SH3RF1: variants seen among roughly 807,000 people sequenced by gnomAD.
The protein encoded by SH3RF1 is SH3 domain containing ring finger 1.
SH3RF1 carries 32 observed loss-of-function variants against 74.0 expected under a neutral mutation model. That is an observed-to-expected ratio of 0.43 (90% confidence interval 0.33 to 0.58). SH3RF1 has a LOEUF of 0.58. Ranked by LOEUF, SH3RF1 falls within the 20% of genes least tolerant of loss-of-function variation. The pLI, the probability that SH3RF1 is intolerant of heterozygous loss-of-function variation, is 0.05. For synonymous variants in SH3RF1, 396 were observed against 439.6 expected (o/e 0.90, Z 1.24); for missense variants, 954 against 1,130.9 (o/e 0.84, Z 2.24).
chr4:169,153,462 T>C (rs1306796214), intron 4 of SH3RF1, among the ~76,000 whole-genome samples: 1 of 152,212 alleles, frequency 6.6e-6, no homozygotes, highest in Non-Finnish European at 1.5e-5. Context: ...CAAATATGAA[T>C]AGGTTTACAG....
At chr4:169,154,846 G>GT (rs1734026969) in intron 4 of SH3RF1, among the ~76,000 whole-genome samples, 1 of 152,116 alleles carries the variant, frequency 6.6e-6, no homozygotes. Context: ...ACTATGAATT[G>GT]TAACTCCTTT....
intron 11 of SH3RF1, among the ~76,000 whole-genome samples, chr4:169,097,749 G>C (rs1732955543): frequency 2.6e-5 from 4 of 152,072 alleles, no homozygotes; most frequent in Admixed American, 2.6e-4. Context: ...CTCCTCCTAT[G>C]ATGCACAGGA....
At chr4:169,171,756 T>G (rs1734330548) in intron 2 of SH3RF1, among the ~76,000 whole-genome samples, 1 of 152,022 alleles carries the variant, frequency 6.6e-6, no homozygotes, top group Non-Finnish European at 1.5e-5. Flanking sequence ...AATATTCCCC[T>G]CACAAAAAAC....
chr4:169,256,379 G>A (rs1731195154), intron 2 of SH3RF1, among the ~76,000 whole-genome samples: 1 of 152,030 alleles, frequency 6.6e-6, no homozygotes, highest in South Asian at 2.1e-4. Context: ...TCCTTTTACA[G>A]ATGAGGCCCA....
chr4:169,203,581 G>T (rs1026738692), intron 2 of SH3RF1, among the ~76,000 whole-genome samples: 2 of 151,778 alleles, frequency 1.3e-5, no homozygotes, highest in Non-Finnish European at 2.9e-5. Flanking sequence ...CTGGAATTCT[G>T]TTCTAATTGC....
At chr4:169,160,065 A>G (rs1462129358) in intron 2 of SH3RF1, among the ~76,000 whole-genome samples, 1 of 152,204 alleles carries the variant, frequency 6.6e-6, no homozygotes, top group African/African-American at 2.4e-5. Context: ...AAATCCCATT[A>G]CAAACTCGGT....
At chr4:169,107,405 T>C (rs1733164474) in intron 10 of SH3RF1, among the ~76,000 whole-genome samples, 200 bp from the exon 11 acceptor site, 1 of 152,210 alleles carries the variant, frequency 6.6e-6, no homozygotes, top group Non-Finnish European at 1.5e-5. Context: ...TGGTTATTCA[T>C]AATCTGGCCA....
intron 2 of SH3RF1, among the ~76,000 whole-genome samples, chr4:169,183,487 G>T (rs972931727): frequency 1.3e-5 from 2 of 151,950 alleles, no homozygotes; most frequent in Non-Finnish European, 2.9e-5. Flanking sequence ...CACCATGTTG[G>T]CCAGGCTGGT....
chr4:169,215,416 A>C (rs1012775821), intron 2 of SH3RF1, among the ~76,000 whole-genome samples: 1 of 152,082 alleles, frequency 6.6e-6, no homozygotes, highest in Non-Finnish European at 1.5e-5. Context: ...CTTTTCTTGT[A>C]ATGTCTTTAT....
chr4:169,126,767 T>C (rs1733532037), intron 6 of SH3RF1, among the ~76,000 whole-genome samples: 1 of 151,962 alleles, frequency 6.6e-6, no homozygotes, highest in Admixed American at 6.6e-5. Context: ...AAAAATTTTT[T>C]TTTTGTAGAG....
chr4:169,168,051 G>T (rs1440051017), intron 2 of SH3RF1, among the ~76,000 whole-genome samples: 6 of 152,046 alleles, frequency 3.9e-5, no homozygotes, highest in African/African-American at 7.2e-5. Flanking sequence ...AAGGTAGAAG[G>T]ATCACTTGAG....
intron 2 of SH3RF1, among the ~76,000 whole-genome samples, chr4:169,266,273 T>C (rs1308228350): frequency 2.0e-5 from 3 of 152,106 alleles, no homozygotes; most frequent in Non-Finnish European, 2.9e-5. Context: ...ACACAGAACA[T>C]AACTAATAAA....
chr4:169,104,038 C>T (rs1182707140), intron 11 of SH3RF1, among the ~76,000 whole-genome samples: 1 of 152,154 alleles, frequency 6.6e-6, no homozygotes, highest in Non-Finnish European at 1.5e-5. Flanking sequence ...TTCAGATGAA[C>T]TGAACAGCAG....
intron 2 of SH3RF1, among the ~76,000 whole-genome samples, chr4:169,244,211 A>C (rs916036631): frequency 6.6e-6 from 1 of 152,160 alleles, no homozygotes; most frequent in Non-Finnish European, 1.5e-5. Context: ...TCTAATTTTC[A>C]CTACCCAGCA....
At chr4:169,210,700 C>T (rs553125534) in intron 2 of SH3RF1, among the ~76,000 whole-genome samples, 40 of 152,336 alleles carry the variant, frequency 2.6e-4, no homozygotes, top group African/African-American at 8.9e-4. Context: ...AGACTGTAAA[C>T]TACCCTTGTG....
At chr4:169,244,298 T>C (rs1360573596) in intron 2 of SH3RF1, among the ~76,000 whole-genome samples, 1 of 152,208 alleles carries the variant, frequency 6.6e-6, no homozygotes, top group Non-Finnish European at 1.5e-5. Flanking sequence ...TCCATGTGAA[T>C]TGAGGACTGT....
chr4:169,120,770 C>T, intron 8 of SH3RF1, 49 bp downstream of exon 8: 2 of 1,588,950 alleles, frequency 1.3e-6, no homozygotes, highest in East Asian at 2.2e-5. Context: ...TGGAAAAGAA[C>T]AAAGCTTCTC....
intron 4 of SH3RF1, among the ~76,000 whole-genome samples, chr4:169,140,876 A>C (rs529416768): frequency 6.6e-6 from 1 of 152,218 alleles, no homozygotes; most frequent in Non-Finnish European, 1.5e-5. Flanking sequence ...TTCACAACCC[A>C]CTAGAGCAAG....
At position 169,171,106 on chromosome 4, in the gene SH3RF1, C is replaced by T. The variant is rs75168430; in HGVS notation, c.394-14427G>A. ...ACCAGATTTGTAAACAAACTGTAAC[C>T]TACTCTTGCAGGAATCAGAGTTCTG... On this transcript the variant is annotated intron_variant, in intron 2 of 11. Coordinates refer to ENST00000284637, the MANE Select transcript of SH3RF1 (RefSeq NM_020870.4). 4.0e-3 allele frequency among the ~76,000 whole-genome samples: 604 copies of T among 152,334 alleles called. 5 individuals carry two copies. The highest frequency in any genetic ancestry group is 0.014 in the African/African-American group (584 of 41,560).
Sources: allele counts gnomAD v4.1 joint callset (sites outside exome capture counted in the v4.1 genomes callset), GRCh38; gene constraint gnomAD v4.1.1; transcripts MANE v1.5; gene names NCBI Gene and HGNC (gene_info 2026-07-23, HGNC 2026-07-21).